The following BDP1 variants were observed in gnomAD, a reference collection of about 807,000 sequenced individuals.
The protein encoded by BDP1 is transcription factor TFIIIB component B'' homolog.
Under a neutral mutation model 266.6 loss-of-function variants are expected in BDP1, and 169 were observed. The ratio of observed to expected loss-of-function variants is 0.63; its 90% confidence interval spans 0.56 to 0.72. BDP1 has a LOEUF of 0.72. Ranked by LOEUF, BDP1 falls within the 30% of genes least tolerant of loss-of-function variation. The probability of loss-of-function intolerance (pLI) is 0.00; values close to 1 mark genes in which losing one functional copy is unlikely to be tolerated. For synonymous variants in BDP1, 1,090 were observed against 1,022.4 expected (o/e 1.07, Z -1.26); for missense variants, 3,015 against 3,053.8 (o/e 0.99, Z 0.30).
chr5:71,509,907 C>T lies in BDP1; in HGVS notation c.2815C>T (p.Pro939Ser), dbSNP rs551867960. 2 of 1,613,764 alleles carry T rather than the reference C, an allele frequency of 1.2e-6. No individual in the cohort carries two copies. Among genetic ancestry groups the T allele is most frequent in the Admixed American group, 3.3e-5 (2 of 59,974 alleles). ...AGAAGCTGGAAGAAGAGAAATATCC[C>T]CACAGAAAAATGGCCCAGAGGAGGT... ...LEEAGRREIS[P>S]QKNGPEEVKP... Residue 939 changes from proline (P) to serine (S), a missense_variant, in exon 17 of 39, where the codon CCA becomes TCA. By Grantham distance (74) the Pro-to-Ser change is moderately conservative. Transcript: ENST00000358731.
intron 2 of BDP1, among the ~76,000 whole-genome samples, chr5:71,459,137 A>G (rs1195498573): frequency 2.0e-5 from 3 of 152,238 alleles, no homozygotes; most frequent in African/African-American, 7.2e-5. Flanking sequence ...GCACATACAC[A>G]AACATATTTA....
intron 9 of BDP1, among the ~76,000 whole-genome samples, chr5:71,487,025 C>T (rs752752675): frequency 2.0e-5 from 3 of 152,012 alleles, no homozygotes; most frequent in South Asian, 4.2e-4. Context: ...ATTGGTTGAG[C>T]GTAACTTATT....
chr5:71,546,632 A>C (rs987716570), intron 32 of BDP1, among the ~76,000 whole-genome samples: 1 of 150,972 alleles, frequency 6.6e-6, no homozygotes, highest in Non-Finnish European at 1.5e-5. Context: ...AAAAAAAAAA[A>C]AAAAAAAAAA....
chr5:71,493,444 A>G (rs1026539936), intron 11 of BDP1, among the ~76,000 whole-genome samples: 2 of 152,088 alleles, frequency 1.3e-5, no homozygotes, highest in Non-Finnish European at 2.9e-5. Flanking sequence ...AACATTTTTT[A>G]GTAGAGATGT....
At chr5:71,484,913 G>T (rs1763170365) in intron 8 of BDP1, among the ~76,000 whole-genome samples, 1 of 152,076 alleles carries the variant, frequency 6.6e-6, no homozygotes, top group South Asian at 2.1e-4. Flanking sequence ...AGACACTAAG[G>T]TAGGTGGGTG....
At chr5:71,501,359 A>T (rs1764219418) in intron 13 of BDP1, among the ~76,000 whole-genome samples, 4 of 152,098 alleles carry the variant, frequency 2.6e-5, no homozygotes, top group African/African-American at 9.7e-5. Context: ...GTATTTTAGT[A>T]GAGACAGTTT....
intron 7 of BDP1, among the ~76,000 whole-genome samples, chr5:71,479,295 C>A (rs1312970598): frequency 6.6e-6 from 1 of 151,954 alleles, no homozygotes; most frequent in Non-Finnish European, 1.5e-5. Context: ...CCTGCCTCAG[C>A]CTCCCAAAGT....
In BDP1 at chr5:71,548,814, T is replaced by C. The variant is rs370365798; in HGVS notation, c.6808+69T>C. On this transcript the variant is annotated intron_variant, in intron 33 of 38. Coordinates refer to ENST00000358731, the MANE Select transcript of BDP1 (RefSeq NM_018429.3). ...ATGATTTTTACCCCTTATTTAACTA[T>C]GGAAAAACATAAAACAGTTGTATTT... 9.1e-4 allele frequency: 1,017 copies of C among 1,122,004 alleles called. 7 individuals are homozygous for C. The highest frequency in any genetic ancestry group is 1.0e-3 in the Non-Finnish European group (771 of 751,024). The allele number at this position is 1,122,004 out of a possible 1,614,324, so 69.5% of individuals were successfully genotyped here. A position where few individuals can be genotyped will look rare whatever the true frequency, so the allele number is the denominator to read the frequency against.
chr5:71,506,131 T>C (rs2150456640), intron 16 of BDP1, among the ~76,000 whole-genome samples: 1 of 152,306 alleles, frequency 6.6e-6, no homozygotes, highest in South Asian at 2.1e-4. Flanking sequence ...TTTATTTATA[T>C]TTTTTCAGTT....
rs140451047 is a variant in BDP1 at position 71,549,948 on chromosome 5, A to G, written c.6995+342A>G. On this transcript the variant is annotated intron_variant, in intron 34 of 38. Transcript: ENST00000358731. ...GAAACTGTGAAATATGCATTCACAG[A>G]AAGTTGTGAAAATAGTACAGTGGTA... Among the ~76,000 whole-genome samples, 7 of 152,360 alleles carry G rather than the reference A, an allele frequency of 4.6e-5. No homozygotes were observed. The East Asian group carries it at 7.7e-4, about 17-fold the overall frequency.
rs1764331921 is a variant in BDP1, at chr5:71,502,796, G to A, written c.2241+5G>A. On this transcript the variant is annotated splice_donor_5th_base_variant and intron_variant, in intron 15 of 38. Coordinates refer to ENST00000358731, the MANE Select transcript of BDP1 (RefSeq NM_018429.3). ...GAATCCTGTGCTGATAGAGATGTAA[G>A]TACTCTGATTCCTCCTCACATTTTT... 1.2e-6 allele frequency: 2 copies of A among 1,607,430 alleles called. No homozygotes were observed. Among genetic ancestry groups the A allele is most frequent in the Non-Finnish European group, 8.5e-7 (1 of 1,177,154 alleles).
At chr5:71,561,760 A>C (rs1480129145) in intron 37 of BDP1, among the ~76,000 whole-genome samples, 2 of 152,202 alleles carry the variant, frequency 1.3e-5, no homozygotes, top group Non-Finnish European at 2.9e-5. Flanking sequence ...TGAGAACTTG[A>C]TAAAATGCAG....
chr5:71,508,350 C>G (rs915549600), intron 16 of BDP1, among the ~76,000 whole-genome samples: 21 of 150,608 alleles, frequency 1.4e-4, no homozygotes, highest in Admixed American at 1.3e-3. Flanking sequence ...CTTGCCCAAT[C>G]TGGAGTGCAG....
At chr5:71,479,566 A>G (rs913051297) in intron 7 of BDP1, among the ~76,000 whole-genome samples, 4 of 142,846 alleles carry the variant, frequency 2.8e-5, no homozygotes, top group African/African-American at 1.0e-4. Flanking sequence ...TTTTTTTTTG[A>G]GGCGGAGTCT....
intron 29 of BDP1, 24 bp from the exon 30 acceptor site, chr5:71,542,080 GA>G (rs1767000560): frequency 6.3e-7 from 1 of 1,576,242 alleles, no homozygotes; most frequent in Admixed American, 1.8e-5. Flanking sequence ...CATGATTCAT[GA>G]ATTTCTCTAT....
At chr5:71,559,519 A>G (rs1449222412) in intron 36 of BDP1, among the ~76,000 whole-genome samples, 1 of 152,208 alleles carries the variant, frequency 6.6e-6, no homozygotes, top group Non-Finnish European at 1.5e-5. Flanking sequence ...ATCTTTGGCT[A>G]CTTTGGCTTT....
Position 71,562,467 on chromosome 5 carries a change from T to A in BDP1, c.7690T>A (p.Ser2564Thr), listed in dbSNP as rs1743745813. The change falls in exon 38 of 39, where the codon TCT becomes ACT. Residue 2564 changes from serine (S) to threonine (T), a missense_variant. Coordinates refer to ENST00000358731, the MANE Select transcript of BDP1 (RefSeq NM_018429.3). ...KNRESSDLLP[S>T]PSVITTQSEN... is the part of the protein sequence containing the mutation. ...TCGAGAGTCCTCTGATCTGCTTCCA[T>A]CTCCAAGTGTTATTACTACTCAATC... The A allele has an allele frequency of 2.5e-6, 4 of 1,613,938 alleles. No individual in the cohort carries two copies. Among genetic ancestry groups the A allele is most frequent in the Non-Finnish European group, 3.4e-6 (4 of 1,179,860 alleles).
At position 71,562,444 on chromosome 5, in the gene BDP1, G is replaced by T. The variant is rs556570249; in HGVS notation, c.7667G>T (p.Arg2556Leu). The change falls in exon 38 of 39, where the codon CGA becomes CTA. Residue 2556 changes from arginine (R) to leucine (L), a missense_variant. By Grantham distance (102) the Arg-to-Leu change is moderately radical (BLOSUM62 -2). Transcript: ENST00000358731. ...TTCAATGAAAGCCAGGAAAAAAATC[G>T]AGAGTCCTCTGATCTGCTTCCATCT... The part of the protein sequence containing the change: ...NPFNESQEKN[R>L]ESSDLLPSPS... The T allele has an allele frequency of 2.5e-6, 4 of 1,613,664 alleles. No homozygotes were observed. The African/African-American group carries it at 4.0e-5, about 16-fold the overall frequency.
chr5:71,502,943 C>T lies in BDP1; in HGVS notation c.2241+152C>T, dbSNP rs1764343368. The stretch of plus-strand genomic sequence containing the variant: ...TTGCTCTGTCGCCCAGGCTGGAATG[C>T]AGTGTCGCGATCTTGCCTCACTGCA... On this transcript the variant is annotated intron_variant, in intron 15 of 38. Coordinates refer to ENST00000358731, the MANE Select transcript of BDP1 (RefSeq NM_018429.3). The T allele has an allele frequency of 8.1e-6, 5 of 618,466 alleles. No homozygotes were observed. The Admixed American group carries it at 1.3e-4, about 16-fold the overall frequency. The allele number at this position is 618,466 out of a possible 1,614,324, so 38.3% of individuals were successfully genotyped here.
Sources: allele counts gnomAD v4.1 joint callset (sites outside exome capture counted in the v4.1 genomes callset), GRCh38; gene constraint gnomAD v4.1.1; transcripts MANE v1.5; gene names NCBI Gene and HGNC (gene_info 2026-07-23, HGNC 2026-07-21).